Variants in EFNA5 observed in about 807,000 individuals in gnomAD.
EFNA5 encodes ephrin-A5.
Under a neutral mutation model 22.9 loss-of-function variants are expected in EFNA5, and 5 were observed. That is an observed-to-expected ratio of 0.22 (90% CI 0.11 to 0.46). The LOEUF is 0.46. EFNA5 is among the 20% of genes least tolerant of loss of function. EFNA5 has a pLI of 0.99. For missense variants in EFNA5, 237 were observed against 293.3 expected (o/e 0.81, Z 1.40); for synonymous variants, 113 against 112.2 (o/e 1.01, Z -0.04).
chr5:107,482,870 CTATATATA>C (rs72399506), intron 1 of EFNA5, among the ~76,000 whole-genome samples: 73 of 59,084 alleles, frequency 1.2e-3, no homozygotes, highest in African/African-American at 2.5e-3. Context: ...CTCTCTCTCT[CTATATATA>C]TATATATATA....
intron 1 of EFNA5, among the ~76,000 whole-genome samples, chr5:107,508,945 A>C (rs1747305032): frequency 6.6e-6 from 1 of 152,126 alleles, no homozygotes. Context: ...TATTGCAGTT[A>C]TTTGTCCTGA....
intron 1 of EFNA5, among the ~76,000 whole-genome samples, chr5:107,552,185 ACTT>A (rs1411726567): frequency 2.0e-5 from 3 of 152,206 alleles, no homozygotes; most frequent in Non-Finnish European, 2.9e-5. Context: ...ACCTCTGGGA[ACTT>A]CTTCTGGAAA....
intron 2 of EFNA5, among the ~76,000 whole-genome samples, chr5:107,403,729 C>G (rs1314212353): frequency 6.6e-6 from 1 of 152,170 alleles, no homozygotes; most frequent in Non-Finnish European, 1.5e-5. Flanking sequence ...TGAGATTTTT[C>G]AAAGGTTATT....
chr5:107,482,832 GTCTCTCTCTCTCTC>G (rs59574940), intron 1 of EFNA5, among the ~76,000 whole-genome samples: 27 of 94,062 alleles, frequency 2.9e-4, no homozygotes, highest in African/African-American at 1.1e-3. Context: ...CTCTGTCTCT[GTCTCTCTCTCTCTC>G]TCTCTCTCTC....
chr5:107,624,299 C>T (rs1187372653), intron 1 of EFNA5, among the ~76,000 whole-genome samples: 1 of 152,112 alleles, frequency 6.6e-6, no homozygotes, highest in Non-Finnish European at 1.5e-5. Context: ...TTCTTTAAAA[C>T]AGCCCAATCA....
intron 1 of EFNA5, among the ~76,000 whole-genome samples, chr5:107,554,873 A>G (rs1377819035): frequency 6.6e-6 from 1 of 152,238 alleles, no homozygotes; most frequent in Non-Finnish European, 1.5e-5. Context: ...CACCCTGCAC[A>G]TCTTTGGAGG....
chr5:107,601,412 C>G (rs551182267), intron 1 of EFNA5, among the ~76,000 whole-genome samples: 27 of 101,694 alleles, frequency 2.7e-4, no homozygotes, highest in Middle Eastern at 5.1e-3. Flanking sequence ...CTGTACTGGG[C>G]TGCACCATCT....
intron 2 of EFNA5, among the ~76,000 whole-genome samples, chr5:107,420,465 A>T (rs3776792): frequency 0.21 from 31,754 of 150,226 alleles, 3,513 homozygotes; most frequent in South Asian, 0.33. Flanking sequence ...CACAGCTAGT[A>T]AGAGCACAGA....
intron 1 of EFNA5, among the ~76,000 whole-genome samples, chr5:107,516,696 C>T (rs1747489060): frequency 6.6e-6 from 1 of 152,146 alleles, no homozygotes; most frequent in Non-Finnish European, 1.5e-5. Flanking sequence ...ATGATGTTTT[C>T]CCTCAATGGT....
chr5:107,572,495 A>T (rs545701813), intron 1 of EFNA5, among the ~76,000 whole-genome samples: 48 of 152,338 alleles, frequency 3.2e-4, no homozygotes, highest in Admixed American at 2.5e-3. Flanking sequence ...CGCCAAAGGG[A>T]ACCTGCCATG....
chr5:107,608,787 T>C (rs1309162008), intron 1 of EFNA5, among the ~76,000 whole-genome samples: 2 of 152,242 alleles, frequency 1.3e-5, no homozygotes, highest in Non-Finnish European at 2.9e-5. Context: ...ATGGCATTAA[T>C]GATGGCCCCA....
chr5:107,604,945 A>C (rs1178086036), intron 1 of EFNA5, among the ~76,000 whole-genome samples: 1 of 152,028 alleles, frequency 6.6e-6, no homozygotes, highest in Non-Finnish European at 1.5e-5. Flanking sequence ...CCAATCTACA[A>C]ATGGTTATCT....
At position 107,377,767 on chromosome 5, in the gene EFNA5, C is replaced by T. The variant is rs542656521; in HGVS notation, c.*3488G>A. On this transcript the variant is annotated 3_prime_UTR_variant, in exon 5 of 5. Coordinates refer to ENST00000333274, the MANE Select transcript of EFNA5 (RefSeq NM_001962.3). ...ATAAAACAGTCCATGAAAACAATCA[C>T]AAACAGAAAACCAAACCAAACCAAA... 6 of 152,334 alleles carry T rather than the reference C, an allele frequency of 3.9e-5. No homozygotes were observed. Among genetic ancestry groups the T allele is most frequent in the African/African-American group, 1.4e-4 (6 of 41,566 alleles). The allele number at this position is 152,334 out of a possible 1,614,324, so 9.4% of individuals were successfully genotyped here. A position where few individuals can be genotyped will look rare whatever the true frequency, so the allele number is the denominator to read the frequency against.
chr5:107,619,608 A>G (rs576031837), intron 1 of EFNA5, among the ~76,000 whole-genome samples: 12 of 151,928 alleles, frequency 7.9e-5, no homozygotes, highest in African/African-American at 2.9e-4. Context: ...GACTACAGGC[A>G]TGCTACCATA....
intron 1 of EFNA5, among the ~76,000 whole-genome samples, chr5:107,652,746 G>A (rs192683955): frequency 4.6e-5 from 7 of 152,100 alleles, no homozygotes; most frequent in Middle Eastern, 3.4e-3. Flanking sequence ...GTAAATGTAC[G>A]GGATGGTTTT....
chr5:107,450,697 C>T (rs1483772146), intron 1 of EFNA5, among the ~76,000 whole-genome samples: 1 of 152,202 alleles, frequency 6.6e-6, no homozygotes, highest in East Asian at 1.9e-4. Context: ...CATTATTTCA[C>T]ATGAACCAGA....
At chr5:107,448,102 A>G (rs1054622925) in intron 1 of EFNA5, among the ~76,000 whole-genome samples, 1 of 152,186 alleles carries the variant, frequency 6.6e-6, no homozygotes, top group African/African-American at 2.4e-5. Context: ...AGCCAAGAAC[A>G]AGGGAAAATT....
At chr5:107,493,700 C>G (rs1191972545) in intron 1 of EFNA5, among the ~76,000 whole-genome samples, 1 of 152,178 alleles carries the variant, frequency 6.6e-6, no homozygotes, top group Non-Finnish European at 1.5e-5. Flanking sequence ...TCAGTAACTA[C>G]CTGTACAAGG....
chr5:107,637,228 T>C (rs1034414857), intron 1 of EFNA5, among the ~76,000 whole-genome samples: 12 of 152,016 alleles, frequency 7.9e-5, no homozygotes, highest in Non-Finnish European at 5.9e-5. Context: ...AAATCAAAAG[T>C]CCAGAAAAAA....
Sources: gnomAD v4.1 joint callset for allele counts (sites outside exome capture counted in the v4.1 genomes callset) on GRCh38, gnomAD v4.1.1 for gene constraint, MANE v1.5 for transcripts, NCBI Gene and HGNC (gene_info 2026-07-23, HGNC 2026-07-21) for gene names.